The following DGKB variants were observed in gnomAD, a reference collection of about 807,000 sequenced individuals.
DGKB encodes the protein diacylglycerol kinase beta, also known as 90 kDa diacylglycerol kinase.
Under a neutral mutation model 114.3 loss-of-function variants are expected in DGKB, and 67 were observed. The ratio of observed to expected loss-of-function variants is 0.59; its 90% CI spans 0.48 to 0.72. The LOEUF (loss-of-function observed/expected upper bound fraction) is 0.72, where lower values mean the gene tolerates loss of function less well. DGKB is among the 30% of genes least tolerant of loss of function. The pLI, the probability that DGKB is intolerant of heterozygous loss-of-function variation, is 0.00. For missense variants in DGKB, 907 were observed against 975.2 expected, an observed-to-expected ratio of 0.93 and a Z score of 0.93; for synonymous variants, 398 against 323.1, an observed-to-expected ratio of 1.23 and a Z score of -2.49.
chr7:14,807,951 T>A (rs1212268588), intron 2 of DGKB, among the ~76,000 whole-genome samples: 1 of 152,044 alleles, frequency 6.6e-6, no homozygotes, highest in Non-Finnish European at 1.5e-5. Context: ...TGATGTCTCA[T>A]CATAAATTCT....
At chr7:14,783,284 T>G (rs1839391783) in intron 2 of DGKB, among the ~76,000 whole-genome samples, 1 of 152,214 alleles carries the variant, frequency 6.6e-6, no homozygotes, top group Non-Finnish European at 1.5e-5. Context: ...CTCATTCTTA[T>G]ACCAAAGAGA....
chr7:14,280,957 G>A (rs575961015), intron 23 of DGKB, among the ~76,000 whole-genome samples: 16 of 150,762 alleles, frequency 1.1e-4, no homozygotes, highest in African/African-American at 3.7e-4. Context: ...ATCAACTAAC[G>A]AGCAAAATCA....
At chr7:14,784,925 A>T (rs745694091) in intron 2 of DGKB, among the ~76,000 whole-genome samples, 3 of 152,008 alleles carry the variant, frequency 2.0e-5, no homozygotes, top group Non-Finnish European at 2.9e-5. Context: ...ATACTTTTCA[A>T]TATGTCTAGT....
intron 19 of DGKB, among the ~76,000 whole-genome samples, chr7:14,578,002 T>G (rs775952854): frequency 9.9e-5 from 15 of 152,130 alleles, no homozygotes; most frequent in Non-Finnish European, 2.1e-4. Context: ...TTAGTTGTAA[T>G]CCCCATAATC....
At chr7:14,238,451 C>T (rs7798988) in intron 23 of DGKB, among the ~76,000 whole-genome samples, 102,640 of 151,850 alleles carry the variant, frequency 0.68, 35,800 homozygotes, top group African/African-American at 0.86. Flanking sequence ...TATCCAGTCT[C>T]GGGTAGTTCT....
intron 23 of DGKB, among the ~76,000 whole-genome samples, chr7:14,261,573 A>G (rs1299785613): frequency 6.6e-6 from 1 of 152,136 alleles, no homozygotes; most frequent in African/African-American, 2.4e-5. Context: ...TAGGGGAAAA[A>G]CTAGATATTA....
rs919313017 is a variant in DGKB, at chr7:14,681,476, A to G, written c.1035+1077T>C. Among the ~76,000 whole-genome samples, 15 of 151,538 alleles carry G rather than the reference A, an allele frequency of 9.9e-5. No homozygotes were observed. The South Asian group carries it at 3.1e-3, about 31-fold the overall frequency. On this transcript the variant is annotated intron_variant, in intron 12 of 25. Coordinates refer to ENST00000402815, the MANE Select transcript of DGKB (RefSeq NM_001350709.2). Reference sequence around the variant, plus strand: ...GTGTGTGAGAGAGAGAGAAAAAGAGAGCATTTAAGAGAATTGTTTAAGCCC... The same window carrying G: ...GTGTGTGAGAGAGAGAGAAAAAGAGGGCATTTAAGAGAATTGTTTAAGCCC...
intron 23 of DGKB, among the ~76,000 whole-genome samples, chr7:14,200,805 A>T (rs1434873945): frequency 6.6e-6 from 1 of 151,986 alleles, no homozygotes; most frequent in African/African-American, 2.4e-5. Context: ...AACTCTATGG[A>T]GGATGGTTGG....
At chr7:14,245,791 G>T (rs978926759) in intron 23 of DGKB, among the ~76,000 whole-genome samples, 7 of 152,052 alleles carry the variant, frequency 4.6e-5, no homozygotes, top group Non-Finnish European at 8.8e-5. Context: ...AGCTGGGCAT[G>T]GTGGTGTGCG....
At chr7:14,594,529 T>G (rs567754669) in intron 17 of DGKB, among the ~76,000 whole-genome samples, 1 of 152,226 alleles carries the variant, frequency 6.6e-6, no homozygotes, top group African/African-American at 2.4e-5. Flanking sequence ...TAAAATGGAA[T>G]AATTCATTCT....
At chr7:14,370,351 A>C (rs1391843045) in intron 21 of DGKB, among the ~76,000 whole-genome samples, 1 of 152,128 alleles carries the variant, frequency 6.6e-6, no homozygotes, top group Non-Finnish European at 1.5e-5. Context: ...GTTTGAAGTC[A>C]GGTAGTGTGA....
intron 17 of DGKB, among the ~76,000 whole-genome samples, chr7:14,604,483 C>T (rs1804115688): frequency 4.6e-5 from 7 of 152,026 alleles, no homozygotes; most frequent in Admixed American, 2.0e-4. Flanking sequence ...TGGAAGAATG[C>T]ATAACCACAG....
chr7:14,533,220 A>T (rs925036060), intron 20 of DGKB, among the ~76,000 whole-genome samples: 1 of 151,822 alleles, frequency 6.6e-6, no homozygotes, highest in Non-Finnish European at 1.5e-5. Context: ...GTCAACTAAA[A>T]CTTTCAACAG....
At chr7:14,729,167 G>C (rs750966787) in intron 5 of DGKB, among the ~76,000 whole-genome samples, 11 of 133,972 alleles carry the variant, frequency 8.2e-5, no homozygotes, top group Non-Finnish European at 1.5e-4. Flanking sequence ...CTGTTGCCCA[G>C]GCTGGAGTGC....
chr7:14,532,138 C>A (rs771143870), intron 20 of DGKB, among the ~76,000 whole-genome samples: 1 of 151,158 alleles, frequency 6.6e-6, no homozygotes, highest in Admixed American at 6.6e-5. Context: ...TTCTTCACGA[C>A]CTTTGGGTTA....
intron 2 of DGKB, among the ~76,000 whole-genome samples, chr7:14,811,515 T>C (rs1173964719): frequency 6.6e-6 from 1 of 152,216 alleles, no homozygotes; most frequent in Non-Finnish European, 1.5e-5. Flanking sequence ...ATTCTTATTA[T>C]TCAAACGTGA....
At chr7:14,330,027 A>G (rs1303746588) in intron 23 of DGKB, among the ~76,000 whole-genome samples, 1 of 152,062 alleles carries the variant, frequency 6.6e-6, no homozygotes, top group African/African-American at 2.4e-5. Context: ...GATATCAGAT[A>G]TCAAGGTCTA....
intron 23 of DGKB, among the ~76,000 whole-genome samples, chr7:14,215,773 C>T (rs1012697511): frequency 6.6e-6 from 1 of 151,920 alleles, no homozygotes; most frequent in African/African-American, 2.4e-5. Context: ...TAATTAGTAA[C>T]CAGTGTTATT....
At chr7:14,322,205 T>G (rs1383649739) in intron 23 of DGKB, among the ~76,000 whole-genome samples, 2 of 152,182 alleles carry the variant, frequency 1.3e-5, no homozygotes, top group Admixed American at 6.5e-5. Context: ...TTTGGCTGTT[T>G]CTGTGGTACA....
Sources: allele counts gnomAD v4.1 joint callset (sites outside exome capture counted in the v4.1 genomes callset), GRCh38; gene constraint gnomAD v4.1.1; transcripts MANE v1.5; gene names NCBI Gene and HGNC (gene_info 2026-07-23, HGNC 2026-07-21).